DOK3: variants seen among roughly 807,000 people sequenced by gnomAD.
The protein encoded by DOK3 is Dok-like protein.
DOK3 carries 23 observed loss-of-function variants against 26.2 expected under a neutral mutation model. The observed-to-expected ratio is 0.88, with a 90% confidence interval of 0.63 to 1.24. The LOEUF is 1.24. DOK3 is among the 50% of genes most tolerant of loss of function. DOK3 has a pLI of 0.00. For missense variants in DOK3, 619 were observed against 610.6 expected, an observed-to-expected ratio of 1.01 and a Z score of -0.15; for synonymous variants, 268 against 268.2, an observed-to-expected ratio of 1.00 and a Z score of 0.01.
At chr5:177,507,536 C>T (rs1442919902) in intron 3 of DOK3, among the ~76,000 whole-genome samples, 1 of 152,038 alleles carries the variant, frequency 6.6e-6, no homozygotes, top group Non-Finnish European at 1.5e-5. Flanking sequence ...CTCACTGCAG[C>T]CTCGACCTCT....
At position 177,505,003 on chromosome 5, in the gene DOK3, C is replaced by G; in HGVS notation, c.472+8G>C. Reference sequence around the variant, plus strand: ...GCTGAGGCTGCCCTTGCACGTCCTCCAACTTACCTTCCTGCCAGGAGGAGT... The same window carrying G: ...GCTGAGGCTGCCCTTGCACGTCCTCGAACTTACCTTCCTGCCAGGAGGAGT... On this transcript the variant is annotated splice_region_variant and intron_variant, in intron 4 of 5. Coordinates refer to ENST00000510898, the MANE Select transcript of DOK3 (RefSeq NM_001308236.3). The G allele has an allele frequency of 1.2e-6, 2 of 1,603,886 alleles. No individual in the cohort carries two copies. Among genetic ancestry groups the G allele is most frequent in the South Asian group, 2.2e-5 (2 of 89,610 alleles).
chr5:177,509,308 C>T, intron 2 of DOK3, 167 bp downstream of exon 2: 1 of 839,196 alleles, frequency 1.2e-6, no homozygotes, highest in Non-Finnish European at 1.8e-6. Flanking sequence ...CCGTCTCAGG[C>T]TGACACCCGC....
At chr5:177,509,707 A>T in intron 1 of DOK3, 50 bp from the exon 2 acceptor site, 1 of 1,607,782 alleles carries the variant, frequency 6.2e-7, no homozygotes, top group Non-Finnish European at 8.5e-7. Context: ...GGCTGGGGGC[A>T]GCATGTATTT....
chr5:177,508,287 C>A lies in DOK3; in HGVS notation c.322G>T (p.Ala108Ser). The A allele has an allele frequency of 6.4e-7, 1 of 1,570,836 alleles. No individual in the cohort carries two copies. Among genetic ancestry groups the A allele is most frequent in the Non-Finnish European group, 8.6e-7 (1 of 1,159,752 alleles). Reference sequence around the variant, plus strand: ...CCCATCCAGGCCTGGCGGTGCTGAGCAGCCAGTAGATGGCTTCGCTCGGTG... The same window carrying A: ...CCCATCCAGGCCTGGCGGTGCTGAGAAGCCAGTAGATGGCTTCGCTCGGTG... ...TTTERSHLLAAQHRQAWMGPI... is the reference protein window; with the variant it reads ...TTTERSHLLASQHRQAWMGPI... The change falls in exon 3 of 6, where the codon GCT becomes TCT. Residue 108 changes from alanine to serine, a missense_variant. Coordinates refer to ENST00000510898, the MANE Select transcript of DOK3 (RefSeq NM_001308236.3).
At position 177,502,973 on chromosome 5, in the gene DOK3, G is replaced by A. The variant is rs2544814; in HGVS notation, c.*1010C>T. The A allele has an allele frequency of 0.49, 639,700 of 1,311,388 alleles. 158,432 individuals are homozygous for A. The highest frequency in any genetic ancestry group is 0.56 in the Admixed American group (22,923 of 40,746). The allele number at this position is 1,311,388 out of a possible 1,614,324, so 81.2% of individuals were successfully genotyped here. On this transcript the variant is annotated 3_prime_UTR_variant, in exon 6 of 6. Coordinates refer to ENST00000510898, the MANE Select transcript of DOK3 (RefSeq NM_001308236.3). ...CCGCACTAAAGGAAGTGAGCTGGAA[G>A]GAGGTGGCGGCCAGAGGATGAGGCT...
At chr5:177,507,586 T>C (rs1760372728) in intron 3 of DOK3, among the ~76,000 whole-genome samples, 1 of 152,196 alleles carries the variant, frequency 6.6e-6, no homozygotes, top group Non-Finnish European at 1.5e-5. Context: ...GTACATGTTT[T>C]GTTTGAACAC....
chr5:177,508,553 G>A lies in DOK3; in HGVS notation c.67-11C>T. On this transcript the variant is annotated splice_polypyrimidine_tract_variant and intron_variant, in intron 2 of 5. Transcript: ENST00000510898. ...CTTCCGCCAGCACTTCTGCGGGAGG[G>A]GAGCGGGAGGGTGAAGACCCTTGGG... is the stretch of plus-strand genomic sequence containing the variant. 6.6e-7 allele frequency: 1 copy of A among 1,519,892 alleles called. No individual in the cohort carries two copies. The highest frequency in any genetic ancestry group is 8.9e-7 in the Non-Finnish European group (1 of 1,122,928). The allele number at this position is 1,519,892 out of a possible 1,614,324, so 94.2% of individuals were successfully genotyped here. A position where few individuals can be genotyped will look rare whatever the true frequency, so the allele number is the denominator to read the frequency against.
Position 177,502,961 on chromosome 5 carries a change from A to C in DOK3, c.*1022T>G, listed in dbSNP as rs145135243. The C allele has an allele frequency of 1.6e-3, 2,057 of 1,247,726 alleles. 28 individuals are homozygous for C. In the African/African-American group the frequency reaches 0.027, roughly 17 times the overall value. The allele number at this position is 1,247,726 out of a possible 1,614,324, so 77.3% of individuals were successfully genotyped here. The stretch of plus-strand genomic sequence containing the variant: ...GGGCGGTACTGGCCGCACTAAAGGA[A>C]GTGAGCTGGAAGGAGGTGGCGGCCA... On this transcript the variant is annotated 3_prime_UTR_variant, in exon 6 of 6. Transcript: ENST00000510898.
At chr5:177,508,767 TGTC>T (rs1760580465) in intron 2 of DOK3, 1 of 457,076 alleles carries the variant, frequency 2.2e-6, no homozygotes, top group Non-Finnish European at 3.9e-6. Context: ...CAAGCATCAA[TGTC>T]GTCTCTCAAA....
intron 3 of DOK3, among the ~76,000 whole-genome samples, chr5:177,505,903 AT>A (rs907506916): frequency 2.9e-4 from 43 of 149,678 alleles, no homozygotes; most frequent in African/African-American, 9.3e-4. Flanking sequence ...GGCCTGGCTA[AT>A]TTTTTTTGTA....
chr5:177,509,668 G>C lies in DOK3; in HGVS notation c.-117-11C>G, dbSNP rs776676597. 3 of 1,591,314 alleles carry C rather than the reference G, an allele frequency of 1.9e-6. No individual in the cohort carries two copies. The highest frequency in any genetic ancestry group is 1.7e-5 in the Admixed American group (1 of 58,892). ...TCCGTCTAGAGACAGCTGCAGGCCGGGGGGAGGGGAGCCTGTCTTCAGCTC... is the reference window on the plus strand; with the variant it reads ...TCCGTCTAGAGACAGCTGCAGGCCGCGGGGAGGGGAGCCTGTCTTCAGCTC... On this transcript the variant is annotated splice_polypyrimidine_tract_variant and intron_variant, in intron 1 of 5. Transcript: ENST00000510898.
Position 177,509,751 on chromosome 5 carries a change from C to T in DOK3, c.-118+7G>A. On this transcript the variant is annotated splice_region_variant and intron_variant, in intron 1 of 5. Transcript: ENST00000510898. ...GGGTTCTGGCTGCCCAAGGTGCCCA[C>T]ACCTACCTGGAGGGAGCCCCCGGCC... The T allele has an allele frequency of 6.2e-7, 1 of 1,612,500 alleles. No homozygotes were observed. The highest frequency in any genetic ancestry group is 8.5e-7 in the Non-Finnish European group (1 of 1,179,848).
At position 177,509,590 on chromosome 5, in the gene DOK3, G is replaced by A. The variant is rs774693127; in HGVS notation, c.-50C>T. On this transcript the variant is annotated 5_prime_UTR_variant, in exon 2 of 6. Transcript: ENST00000510898. The stretch of plus-strand genomic sequence containing the variant: ...CGCTTCAAGACCTGGGGAGACTGAT[G>A]ACAGGCTGGACGGGAACTCCTCACA... 6 of 1,605,896 alleles carry A rather than the reference G, an allele frequency of 3.7e-6. No homozygotes were observed. The African/African-American group carries it at 4.0e-5, about 11-fold the overall frequency.
Position 177,503,105 on chromosome 5 carries a change from A to G in DOK3, c.*878T>C. On this transcript the variant is annotated 3_prime_UTR_variant, in exon 6 of 6. Coordinates refer to ENST00000510898, the MANE Select transcript of DOK3 (RefSeq NM_001308236.3). ...AGTTGCGGTGAGGGGCTGGGCAGTC[A>G]GAGCCCTGGAGGCATGACGCTTGCG... The G allele has an allele frequency of 6.4e-7, 1 of 1,550,752 alleles. No individual in the cohort carries two copies. Among genetic ancestry groups the G allele is most frequent in the Non-Finnish European group, 8.7e-7 (1 of 1,146,302 alleles).
Position 177,505,856 on chromosome 5 carries a change from C to T in DOK3, c.373-746G>A, listed in dbSNP as rs1049097883. On this transcript the variant is annotated intron_variant, in intron 3 of 5. Transcript: ENST00000510898. The stretch of plus-strand genomic sequence containing the variant: ...GGTTCACGCCATTCTCCTGCCTCAG[C>T]CTCCCAAGTAGCTGGGACTACAGGT... Among the ~76,000 whole-genome samples the T allele has an allele frequency of 3.9e-5, 6 of 152,068 alleles. 1 individual carries two copies. In the South Asian group the frequency reaches 6.2e-4, roughly 16 times the overall value.
Position 177,503,271 on chromosome 5 carries a change from C to A in DOK3, c.*712G>T. ...AAGGCTGTCCTGAACACGGCTGTGT[C>A]CCCCAGCGCCTGGCACTGAGTAGGC... On this transcript the variant is annotated 3_prime_UTR_variant, in exon 6 of 6. Coordinates refer to ENST00000510898, the MANE Select transcript of DOK3 (RefSeq NM_001308236.3). 1 of 1,550,748 alleles carries A rather than the reference C, an allele frequency of 6.4e-7. No homozygotes were observed. The highest frequency in any genetic ancestry group is 8.7e-7 in the Non-Finnish European group (1 of 1,146,146).
intron 2 of DOK3, 143 bp from the exon 3 acceptor site, chr5:177,508,685 C>T (rs1760565713): frequency 2.1e-6 from 2 of 942,772 alleles, no homozygotes; most frequent in East Asian, 2.7e-5. Flanking sequence ...GGTAAGGAGG[C>T]CTTGGCTATG....
rs1759587424 is a variant in DOK3, at chr5:177,503,546, C to T, written c.*437G>A. The T allele has an allele frequency of 2.1e-6, 3 of 1,401,106 alleles. No individual in the cohort carries two copies. The highest frequency in any genetic ancestry group is 2.8e-6 in the Non-Finnish European group (3 of 1,069,854). 86.8% of individuals were successfully genotyped at this position (1,401,106 alleles called of 1,614,324 possible). On this transcript the variant is annotated 3_prime_UTR_variant, in exon 6 of 6. Coordinates refer to ENST00000510898, the MANE Select transcript of DOK3 (RefSeq NM_001308236.3). ...TCATGTTGCTCCTTCCTGAGTCTGA[C>T]AAGTAAGCCTCACAGCTCCCTCCGC...
In DOK3 at chr5:177,504,024, G is replaced by T; in HGVS notation, c.1282C>A (p.Arg428Ser). ...GGGGCTGGGCCCTTCCTCCGCTCAC[G>T]ACTCAGCAGGGTCACCAGCTTGGCC... is the stretch of plus-strand genomic sequence containing the variant. ...FKAKLVTLLS[R>S]ERRKGPAPCD... The change falls in exon 6 of 6, where the codon CGT becomes AGT. Residue 428 changes from arginine to serine, a missense_variant. Transcript: ENST00000510898. 6.3e-7 allele frequency: 1 copy of T among 1,579,358 alleles called. No homozygotes were observed. Among genetic ancestry groups the T allele is most frequent in the East Asian group, 2.3e-5 (1 of 42,820 alleles).
Sources: gnomAD v4.1 joint callset for allele counts (sites outside exome capture counted in the v4.1 genomes callset) on GRCh38, gnomAD v4.1.1 for gene constraint, MANE v1.5 for transcripts, NCBI Gene and HGNC (gene_info 2026-07-23, HGNC 2026-07-21) for gene names.